PRDM11: variants seen among roughly 807,000 people sequenced by gnomAD.
The protein encoded by PRDM11 is PR/SET domain 11, also known as PR domain-containing protein 11.
In PRDM11, 20 loss-of-function variants were observed where a neutral mutation model predicts 97.8. The observed-to-expected ratio is 0.20, with a 90% CI of 0.14 to 0.30. The LOEUF (loss-of-function observed/expected upper bound fraction) is 0.30, where lower values mean the gene tolerates loss of function less well. PRDM11 is among the 10% of genes least tolerant of loss of function. PRDM11 has a pLI of 1.00. For synonymous variants in PRDM11, 599 were observed against 637.7 expected (o/e 0.94, Z 0.91); for missense variants, 1,139 against 1,555.2 (o/e 0.73, Z 4.50).
chr11:45,101,567 A>AAAGAAGAAGAAGAAGAAGAAG (rs1554963213), intron 1 of PRDM11, among the ~76,000 whole-genome samples: 3 of 96,832 alleles, frequency 3.1e-5, no homozygotes, highest in African/African-American at 9.8e-5. Flanking sequence ...AAAAAAAAAA[A>AAAGAAGAAGAAGAAGAAGAAG]AAGAAGAAGA....
At chr11:45,182,390 C>T (rs1489609287) in intron 3 of PRDM11, 41 bp downstream of exon 3, 1 of 1,534,362 alleles carries the variant, frequency 6.5e-7, no homozygotes, top group Non-Finnish European at 9.0e-7. Context: ...CTCCCTTCAC[C>T]CCCATCGCCC....
chr11:45,148,378 A>C (rs1451373359), intron 1 of PRDM11, among the ~76,000 whole-genome samples: 2 of 152,196 alleles, frequency 1.3e-5, no homozygotes, highest in Non-Finnish European at 2.9e-5. Context: ...GATAGCAAAG[A>C]TGAAATGCCT....
intron 5 of PRDM11, among the ~76,000 whole-genome samples, chr11:45,211,971 A>C (rs1226465724): frequency 6.6e-6 from 1 of 152,230 alleles, no homozygotes; most frequent in Non-Finnish European, 1.5e-5. Context: ...TGGTGCTCAG[A>C]GGGCCAAGAG....
intron 1 of PRDM11, among the ~76,000 whole-genome samples, chr11:45,116,066 A>G (rs544311701): frequency 6.6e-6 from 1 of 152,338 alleles, no homozygotes; most frequent in South Asian, 2.1e-4. Context: ...ACAAACAATT[A>G]CAAATATCAG....
At chr11:45,210,619 C>T (rs1853695728) in intron 5 of PRDM11, among the ~76,000 whole-genome samples, 1 of 152,222 alleles carries the variant, frequency 6.6e-6, no homozygotes, top group South Asian at 2.1e-4. Flanking sequence ...CCTTCCCTTC[C>T]CGGGCCCCCT....
At chr11:45,187,318 A>G (rs1300987758) in intron 4 of PRDM11, among the ~76,000 whole-genome samples, 2 of 152,296 alleles carry the variant, frequency 1.3e-5, no homozygotes, top group African/African-American at 2.4e-5. Flanking sequence ...TTCACAGCCT[A>G]TTGGAAAATT....
intron 4 of PRDM11, among the ~76,000 whole-genome samples, chr11:45,189,510 C>A (rs1268475026): frequency 6.6e-6 from 1 of 151,714 alleles, no homozygotes; most frequent in East Asian, 1.9e-4. Context: ...AGGAGGTCCG[C>A]CCTTCTGGGC....
At chr11:45,135,088 G>A (rs1006667718) in intron 1 of PRDM11, among the ~76,000 whole-genome samples, 1 of 152,080 alleles carries the variant, frequency 6.6e-6, no homozygotes, top group African/African-American at 2.4e-5. Flanking sequence ...GCAACATAGT[G>A]AGACCCCATC....
intron 1 of PRDM11, among the ~76,000 whole-genome samples, chr11:45,106,519 T>C (rs958358681): frequency 1.3e-5 from 2 of 152,134 alleles, no homozygotes; most frequent in Non-Finnish European, 2.9e-5. Context: ...ATTATAGCCA[T>C]GGATTCTGTG....
At position 45,230,175 on chromosome 11, in the gene PRDM11, A is replaced by G. The variant is rs1854372591; in HGVS notation, c.*2016A>G. The G allele has an allele frequency of 6.6e-6, 1 of 151,186 alleles. No homozygotes were observed. The highest frequency in any genetic ancestry group is 2.1e-4 in the South Asian group (1 of 4,810). 9.4% of individuals were successfully genotyped at this position (151,186 alleles called of 1,614,324 possible). ...TGAAATATTTTTGTTTGTTTTCAAC[A>G]GTGATGTAGCATGTTAAAAAACAAA... On this transcript the variant is annotated 3_prime_UTR_variant, in exon 8 of 8. Transcript: ENST00000683152.
At chr11:45,119,619 C>CAAAAA (rs56367204) in intron 1 of PRDM11, among the ~76,000 whole-genome samples, 10 of 43,056 alleles carry the variant, frequency 2.3e-4, no homozygotes, top group African/African-American at 8.0e-4. Context: ...GATTCTGTCT[C>CAAAAA]AAAAAAAAAA....
intron 6 of PRDM11, among the ~76,000 whole-genome samples, chr11:45,220,226 A>G (rs1335056180): frequency 6.6e-6 from 1 of 152,238 alleles, no homozygotes; most frequent in African/African-American, 2.4e-5. Context: ...CCCTGTGGTT[A>G]AAAGTTTGTG....
At chr11:45,218,099 G>A (rs1854010494) in intron 5 of PRDM11, among the ~76,000 whole-genome samples, 1 of 151,958 alleles carries the variant, frequency 6.6e-6, no homozygotes, top group Non-Finnish European at 1.5e-5. Context: ...TTCTATAGAT[G>A]AATAGCATTC....
chr11:45,155,247 G>T (rs1851763940), intron 1 of PRDM11, among the ~76,000 whole-genome samples: 1 of 152,236 alleles, frequency 6.6e-6, no homozygotes, highest in African/African-American at 2.4e-5. Flanking sequence ...AGGGGTGAGG[G>T]CCAGGAAAGG....
intron 1 of PRDM11, among the ~76,000 whole-genome samples, chr11:45,166,543 C>A (rs1303887852): frequency 1.3e-5 from 2 of 152,220 alleles, no homozygotes; most frequent in Non-Finnish European, 2.9e-5. Flanking sequence ...CACCAGGGGG[C>A]CTGGATGCCA....
intron 1 of PRDM11, among the ~76,000 whole-genome samples, chr11:45,135,928 T>A (rs1269949993): frequency 2.0e-5 from 3 of 152,078 alleles, no homozygotes; most frequent in Non-Finnish European, 4.4e-5. Flanking sequence ...TGAGAAACTG[T>A]CCCAGCCAAG....
At chr11:45,125,995 C>G (rs1207206569) in intron 1 of PRDM11, among the ~76,000 whole-genome samples, 1 of 152,128 alleles carries the variant, frequency 6.6e-6, no homozygotes, top group African/African-American at 2.4e-5. Context: ...GTAGTTCACT[C>G]AGGACTTGCT....
At chr11:45,191,112 A>T (rs1468511746) in intron 4 of PRDM11, among the ~76,000 whole-genome samples, 2 of 152,174 alleles carry the variant, frequency 1.3e-5, no homozygotes, top group Non-Finnish European at 2.9e-5. Flanking sequence ...TATTCTAGAA[A>T]AGTCTCCCCT....
intron 1 of PRDM11, among the ~76,000 whole-genome samples, chr11:45,172,578 A>G (rs2135720185): frequency 6.6e-6 from 1 of 152,256 alleles, no homozygotes; most frequent in South Asian, 2.1e-4. Flanking sequence ...AAGACCAAAT[A>G]CAGTCAACCC....
Sources: gnomAD v4.1 joint callset for allele counts (sites outside exome capture counted in the v4.1 genomes callset) on GRCh38, gnomAD v4.1.1 for gene constraint, MANE v1.5 for transcripts, NCBI Gene and HGNC (gene_info 2026-07-23, HGNC 2026-07-21) for gene names.